Variants in ZFHX4 observed in about 807,000 individuals in gnomAD.
ZFHX4 encodes zinc finger homeobox protein 4.
Under a neutral mutation model 267.6 loss-of-function variants are expected in ZFHX4, and 56 were observed. The observed-to-expected ratio is 0.21, with a 90% confidence interval of 0.17 to 0.26. The LOEUF (loss-of-function observed/expected upper bound fraction) is 0.26, where lower values mean the gene tolerates loss of function less well. ZFHX4 is among the 10% of genes least tolerant of loss of function. The probability of loss-of-function intolerance (pLI) is 1.00; values close to 1 mark genes in which losing one functional copy is unlikely to be tolerated. For synonymous variants in ZFHX4, 1,778 were observed against 1,665.6 expected (o/e 1.07, Z -1.64); for missense variants, 4,332 against 4,420.0 (o/e 0.98, Z 0.56).
intron 3 of ZFHX4, among the ~76,000 whole-genome samples, chr8:76,726,075 T>G (rs1808845569): frequency 6.6e-6 from 1 of 152,118 alleles, no homozygotes. Context: ...GAGTGTACCT[T>G]CACGAAGAGC....
chr8:76,785,591 T>A (rs1810665930), intron 4 of ZFHX4, among the ~76,000 whole-genome samples: 1 of 152,168 alleles, frequency 6.6e-6, no homozygotes, highest in Non-Finnish European at 1.5e-5. Context: ...TATGTTTTCA[T>A]TGGGTAGGTT....
chr8:76,688,999 A>C (rs1298603306), intron 1 of ZFHX4, among the ~76,000 whole-genome samples: 1 of 152,144 alleles, frequency 6.6e-6, no homozygotes, highest in African/African-American at 2.4e-5. Context: ...TCTTGAGTAC[A>C]GCATATTGTA....
chr8:76,782,897 T>C (rs1428814716), intron 4 of ZFHX4, among the ~76,000 whole-genome samples: 3 of 151,996 alleles, frequency 2.0e-5, no homozygotes, highest in Non-Finnish European at 4.4e-5. Flanking sequence ...ATTAATCAGC[T>C]CTCGTGCTAT....
chr8:76,810,625 C>T (rs1389163148), intron 4 of ZFHX4, among the ~76,000 whole-genome samples: 1 of 152,052 alleles, frequency 6.6e-6, no homozygotes, highest in Non-Finnish European at 1.5e-5. Flanking sequence ...GACTTTTTTA[C>T]CCTTCGGCTT....
chr8:76,733,809 T>TA (rs1252946929), intron 3 of ZFHX4, among the ~76,000 whole-genome samples: 1 of 152,154 alleles, frequency 6.6e-6, no homozygotes, highest in African/African-American at 2.4e-5. Context: ...AGACACATGC[T>TA]AATAAGAGAC....
rs1563570133 is a variant in ZFHX4, at chr8:76,863,195, A to ACTCCACCAC, written c.9495_9503dup (p.Pro3171_Pro3173dup). Reference sequence around the variant, plus strand: ...TGCCCCCACCAAACCTTTGCTGCAGACTCCACCACCTCCACCACCTCCTCC... The same window carrying ACTCCACCAC: ...TGCCCCCACCAAACCTTTGCTGCAGACTCCACCACCTCCACCACCTCCACCACCTCCTCC... On this transcript the variant is annotated inframe_insertion, in exon 11 of 11. Transcript: ENST00000651372. 2.9e-5 allele frequency: 45 copies of ACTCCACCAC among 1,561,582 alleles called. No individual in the cohort carries two copies. The highest frequency in any genetic ancestry group is 5.8e-5 in the Admixed American group (3 of 51,532).
intron 3 of ZFHX4, among the ~76,000 whole-genome samples, chr8:76,756,026 C>A (rs899486751): frequency 1.3e-5 from 2 of 151,922 alleles, no homozygotes; most frequent in Non-Finnish European, 2.9e-5. Context: ...GTTAGAACAC[C>A]AGAAGATGTG....
At chr8:76,740,915 G>A (rs923454171) in intron 3 of ZFHX4, among the ~76,000 whole-genome samples, 1 of 152,164 alleles carries the variant, frequency 6.6e-6, no homozygotes, top group African/African-American at 2.4e-5. Context: ...TCAAACTGCA[G>A]AGATCAGGGG....
intron 3 of ZFHX4, among the ~76,000 whole-genome samples, chr8:76,744,524 C>A (rs1426561705): frequency 2.6e-5 from 4 of 151,860 alleles, no homozygotes; most frequent in Non-Finnish European, 4.4e-5. Flanking sequence ...GCGATTCTCC[C>A]ACCTCAGCCT....
At chr8:76,699,569 G>C (rs116389978) in intron 1 of ZFHX4, among the ~76,000 whole-genome samples, 324 of 152,122 alleles carry the variant, frequency 2.1e-3, no homozygotes, top group African/African-American at 7.4e-3. Flanking sequence ...TCAAAAGAGA[G>C]ACTGAGAAAC....
rs1323846074 is a variant in ZFHX4, at chr8:76,681,333, G to C, written c.-334G>C. The C allele has an allele frequency of 2.5e-6, 1 of 398,714 alleles. No individual in the cohort carries two copies. The highest frequency in any genetic ancestry group is 4.4e-5 in the Admixed American group (1 of 22,696). The allele number at this position is 398,714 out of a possible 1,614,324, so 24.7% of individuals were successfully genotyped here. On this transcript the variant is annotated 5_prime_UTR_variant, in exon 1 of 11. Coordinates refer to ENST00000651372, the MANE Select transcript of ZFHX4 (RefSeq NM_024721.5). ...TAATTAGCAGAATAAAGACATATCG[G>C]ATTTTCATTTCCTTTCCTCCTTTTC...
At chr8:76,762,272 G>A (rs1026801934) in intron 3 of ZFHX4, among the ~76,000 whole-genome samples, 16 of 152,024 alleles carry the variant, frequency 1.1e-4, no homozygotes, top group African/African-American at 3.6e-4. Flanking sequence ...AAGGTATAGA[G>A]TACAGTAATT....
At chr8:76,817,036 A>G (rs1398936214) in intron 4 of ZFHX4, among the ~76,000 whole-genome samples, 1 of 152,162 alleles carries the variant, frequency 6.6e-6, no homozygotes, top group Admixed American at 6.5e-5. Flanking sequence ...AGTTTAAGCA[A>G]ATTAGGGTAG....
chr8:76,849,173 A>G (rs1213098217), intron 7 of ZFHX4, 45 bp downstream of exon 7: 1 of 1,506,778 alleles, frequency 6.6e-7, no homozygotes, highest in South Asian at 1.3e-5. Context: ...TTTATTTTTT[A>G]TTGCTCCTGA....
chr8:76,732,468 T>A (rs1326000290), intron 3 of ZFHX4, among the ~76,000 whole-genome samples: 1 of 151,804 alleles, frequency 6.6e-6, no homozygotes, highest in South Asian at 2.1e-4. Flanking sequence ...ACAGCTACAT[T>A]ATTATAATAT....
At chr8:76,757,242 G>A (rs1346151661) in intron 3 of ZFHX4, among the ~76,000 whole-genome samples, 2 of 152,168 alleles carry the variant, frequency 1.3e-5, no homozygotes, top group African/African-American at 2.4e-5. Flanking sequence ...GCAATATAGT[G>A]TGACAAGAGC....
intron 4 of ZFHX4, among the ~76,000 whole-genome samples, chr8:76,796,045 G>T (rs541454093): frequency 6.6e-6 from 1 of 152,210 alleles, no homozygotes; most frequent in Admixed American, 6.5e-5. Context: ...TTTAAATCAG[G>T]AGAGAAATAT....
intron 4 of ZFHX4, among the ~76,000 whole-genome samples, chr8:76,787,379 G>C (rs180721113): frequency 6.6e-6 from 1 of 152,248 alleles, no homozygotes; most frequent in Non-Finnish European, 1.5e-5. Context: ...TGATTAGGTA[G>C]TGATACTCCA....
intron 3 of ZFHX4, among the ~76,000 whole-genome samples, chr8:76,766,020 C>CT (rs1810042135): frequency 6.6e-6 from 1 of 152,004 alleles, no homozygotes; most frequent in Non-Finnish European, 1.5e-5. Flanking sequence ...GAAAACCTTT[C>CT]TAATGTATCT....
Sources: gnomAD v4.1 joint callset for allele counts (sites outside exome capture counted in the v4.1 genomes callset) on GRCh38, gnomAD v4.1.1 for gene constraint, MANE v1.5 for transcripts, NCBI Gene and HGNC (gene_info 2026-07-23, HGNC 2026-07-21) for gene names.